PIAS2: variants seen among roughly 807,000 people sequenced by gnomAD.
PIAS2 encodes E3 SUMO-protein ligase PIAS2.
A neutral mutation model predicts 69.7 loss-of-function variants in PIAS2; 19 were observed. That is an observed-to-expected ratio of 0.27 (90% CI 0.19 to 0.40). The LOEUF is 0.40. Among genes scored for constraint, PIAS2 ranks in the 10% least tolerant of loss-of-function variants. The pLI, the probability that PIAS2 is intolerant of heterozygous loss-of-function variation, is 1.00. For missense variants in PIAS2, 624 were observed against 757.0 expected (o/e 0.82, Z 2.06); for synonymous variants, 261 against 263.2 (o/e 0.99, Z 0.08).
chr18:46,818,033 A>G (rs1304750044), intron 12 of PIAS2: 1 of 990,478 alleles, frequency 1.0e-6, no homozygotes, highest in Non-Finnish European at 1.2e-6. Context: ...GAAAATGCTC[A>G]ATTACTTTTA....
chr18:46,848,766 A>AGTGTGTGTGTGTGT (rs554067671), intron 5 of PIAS2, among the ~76,000 whole-genome samples: 41 of 146,408 alleles, frequency 2.8e-4, no homozygotes, highest in African/African-American at 8.8e-4. Flanking sequence ...AGAGAGAGAC[A>AGTGTGTGTGTGTGT]GTGTGTGTGT....
At chr18:46,890,426 A>G (rs1429285355) in intron 2 of PIAS2, among the ~76,000 whole-genome samples, 154 bp downstream of exon 2, 1 of 152,262 alleles carries the variant, frequency 6.6e-6, no homozygotes, top group African/African-American at 2.4e-5. Flanking sequence ...ATTAGATTTC[A>G]GTCATGGTTG....
intron 5 of PIAS2, among the ~76,000 whole-genome samples, chr18:46,850,665 G>C (rs143671116): frequency 6.6e-6 from 1 of 152,292 alleles, no homozygotes; most frequent in East Asian, 1.9e-4. Context: ...GTGGTGTCAA[G>C]ATTGATCAGG....
intron 3 of PIAS2, among the ~76,000 whole-genome samples, chr18:46,863,950 C>A (rs7238432): frequency 6.6e-6 from 1 of 152,118 alleles, no homozygotes; most frequent in South Asian, 2.1e-4. Context: ...TGCACTAGCA[C>A]AGAGAAAAGG....
intron 8 of PIAS2, among the ~76,000 whole-genome samples, chr18:46,837,310 C>A (rs1019560268): frequency 6.6e-6 from 1 of 151,870 alleles, no homozygotes; most frequent in Admixed American, 6.5e-5. Context: ...TGGAAGGTGA[C>A]AAATATCCCA....
rs542406059 is a variant in PIAS2 at position 46,901,704 on chromosome 18, C to T, written c.25-10650G>A. Among the ~76,000 whole-genome samples the T allele has an allele frequency of 1.5e-4, 23 of 152,230 alleles. No individual in the cohort carries two copies. In the East Asian group the frequency reaches 2.3e-3, roughly 15 times the overall value. ...TGATCAAATCAATCAATGCGAAAAA[C>T]GCATTTCACAAATTCAACACCTGTT... On this transcript the variant is annotated intron_variant, in intron 1 of 13. Transcript: ENST00000585916.
intron 13 of PIAS2, among the ~76,000 whole-genome samples, chr18:46,813,373 A>G (rs1001155231): frequency 1.3e-5 from 2 of 152,208 alleles, no homozygotes; most frequent in African/African-American, 4.8e-5. Flanking sequence ...ATCCCAAACA[A>G]GTACAAACCT....
At chr18:46,886,278 T>A (rs191146885) in intron 2 of PIAS2, among the ~76,000 whole-genome samples, 1 of 152,256 alleles carries the variant, frequency 6.6e-6, no homozygotes, top group East Asian at 1.9e-4. Flanking sequence ...CTCAGAATAA[T>A]AGAAAGTAAT....
chr18:46,840,018 G>A (rs895220271), intron 8 of PIAS2, among the ~76,000 whole-genome samples: 3 of 151,934 alleles, frequency 2.0e-5, no homozygotes, highest in Admixed American at 6.6e-5. Flanking sequence ...AAAATTAGCC[G>A]AGCATGATGG....
rs372455434 is a variant in PIAS2, at chr18:46,822,558, G to C, written c.1509-1486C>G. 3.3e-5 allele frequency among the ~76,000 whole-genome samples: 5 copies of C among 152,266 alleles called. 1 individual carries two copies. Among genetic ancestry groups the C allele is most frequent in the African/African-American group, 1.2e-4 (5 of 41,576 alleles). On this transcript the variant is annotated intron_variant, in intron 11 of 13. Coordinates refer to ENST00000585916, the MANE Select transcript of PIAS2 (RefSeq NM_004671.5). ...CAGTATGTGAGCAATGTTAGAAAAG[G>C]CAGACTCTGGAGGAAAAAGAGAAGT... is the stretch of plus-strand genomic sequence containing the variant.
chr18:46,838,763 G>A (rs2044839904), intron 8 of PIAS2, among the ~76,000 whole-genome samples: 1 of 152,138 alleles, frequency 6.6e-6, no homozygotes, highest in Non-Finnish European at 1.5e-5. Flanking sequence ...CTGAAATGAA[G>A]ATGCTGAGGC....
rs1033223776 is a variant in PIAS2 at position 46,882,848 on chromosome 18, C to A, written c.499+7732G>T. Among the ~76,000 whole-genome samples the A allele has an allele frequency of 2.0e-5, 3 of 152,148 alleles. No homozygotes were observed. The East Asian group carries it at 5.8e-4, about 29-fold the overall frequency. ...GATATTACAAACAGAATAGTGCCCC[C>A]ACTCCCTCAACCAGACACTCTGCAG... On this transcript the variant is annotated intron_variant, in intron 2 of 13. Coordinates refer to ENST00000585916, the MANE Select transcript of PIAS2 (RefSeq NM_004671.5).
intron 1 of PIAS2, among the ~76,000 whole-genome samples, chr18:46,899,042 T>C (rs1419284317): frequency 6.6e-6 from 1 of 150,560 alleles, no homozygotes. Flanking sequence ...GTATCATGCA[T>C]GTTACTAGAT....
chr18:46,852,518 A>G (rs893101157), intron 5 of PIAS2: 1 of 152,212 alleles, frequency 6.6e-6, no homozygotes, highest in Non-Finnish European at 1.5e-5. Flanking sequence ...GTAGTAGTCA[A>G]TATGTTCACA....
At chr18:46,844,863 G>T in intron 6 of PIAS2, 24 bp from the exon 7 acceptor site, 1 of 958,664 alleles carries the variant, frequency 1.0e-6, no homozygotes, top group Non-Finnish European at 1.5e-6. Flanking sequence ...AAAAAAACCT[G>T]CATTAAAGAT....
intron 1 of PIAS2, chr18:46,914,925 A>G (rs962339859): frequency 5.9e-5 from 9 of 152,106 alleles, no homozygotes; most frequent in African/African-American, 1.4e-4. Context: ...TTGAGAATCC[A>G]AGATTATTTC....
intron 2 of PIAS2, among the ~76,000 whole-genome samples, chr18:46,866,306 G>A (rs1265684714): frequency 1.3e-5 from 2 of 152,128 alleles, no homozygotes; most frequent in Admixed American, 6.5e-5. Context: ...TGAAAGCAAC[G>A]AGAGAAAAAA....
intron 8 of PIAS2, among the ~76,000 whole-genome samples, chr18:46,840,794 A>C (rs1160079811): frequency 6.6e-6 from 1 of 152,106 alleles, no homozygotes; most frequent in Non-Finnish European, 1.5e-5. Context: ...TGCTTTTTTG[A>C]AATTTATTAT....
At chr18:46,878,981 G>C (rs1270907302) in intron 2 of PIAS2, among the ~76,000 whole-genome samples, 1 of 152,224 alleles carries the variant, frequency 6.6e-6, no homozygotes, top group African/African-American at 2.4e-5. Flanking sequence ...TTTTTAGGGA[G>C]TTTTGTGGAT....
Sources: allele counts gnomAD v4.1 joint callset (sites outside exome capture counted in the v4.1 genomes callset), GRCh38; gene constraint gnomAD v4.1.1; transcripts MANE v1.5; gene names NCBI Gene and HGNC (gene_info 2026-07-23, HGNC 2026-07-21).